Variants in CSMD1 observed in about 807,000 individuals in gnomAD.
CSMD1 encodes CUB and sushi domain-containing protein 1.
Under a neutral mutation model 417.5 loss-of-function variants are expected in CSMD1, and 213 were observed. The ratio of observed to expected loss-of-function variants is 0.51; its 90% CI spans 0.46 to 0.57. The LOEUF is 0.57. Among genes scored for constraint, CSMD1 ranks in the 20% least tolerant of loss-of-function variants. The probability of loss-of-function intolerance (pLI) is 0.00; values close to 1 mark genes in which losing one functional copy is unlikely to be tolerated. For synonymous variants in CSMD1, 2,862 were observed against 1,736.8 expected (o/e 1.65, Z -16.11); for missense variants, 6,923 against 4,529.7 (o/e 1.53, Z -15.17).
intron 1 of CSMD1, among the ~76,000 whole-genome samples, chr8:4,660,296 G>T (rs994447651): frequency 1.3e-5 from 2 of 151,996 alleles, no homozygotes; most frequent in African/African-American, 2.4e-5. Context: ...AGTTAAAAAC[G>T]CAACACAATT....
intron 3 of CSMD1, among the ~76,000 whole-genome samples, chr8:4,082,901 G>C (rs968788040): frequency 1.3e-5 from 2 of 151,668 alleles, no homozygotes; most frequent in African/African-American, 4.9e-5. Flanking sequence ...TACTGACAAT[G>C]ATTATTTCCA....
chr8:3,732,547 C>T (rs553459558), intron 6 of CSMD1, among the ~76,000 whole-genome samples: 3 of 152,268 alleles, frequency 2.0e-5, no homozygotes, highest in South Asian at 2.1e-4. Context: ...TTTCTTAGTA[C>T]ATTCTACTAA....
chr8:4,433,921 A>T (rs913490665), intron 2 of CSMD1, among the ~76,000 whole-genome samples: 2 of 152,146 alleles, frequency 1.3e-5, no homozygotes, highest in Non-Finnish European at 2.9e-5. Flanking sequence ...GAACACAGCA[A>T]AAAAGGGGGA....
At chr8:4,520,220 C>T (rs1024698027) in intron 2 of CSMD1, among the ~76,000 whole-genome samples, 5 of 152,068 alleles carry the variant, frequency 3.3e-5, no homozygotes, top group Non-Finnish European at 5.9e-5. Context: ...GATTCTTGTC[C>T]TATTTCTTAT....
At chr8:4,416,482 TA>T (rs1277666464) in intron 3 of CSMD1, among the ~76,000 whole-genome samples, 1 of 152,136 alleles carries the variant, frequency 6.6e-6, no homozygotes, top group East Asian at 1.9e-4. Flanking sequence ...TTAAAATTGA[TA>T]TTTAGACTTT....
chr8:3,522,729 A>G (rs1247904159), intron 10 of CSMD1, among the ~76,000 whole-genome samples: 2 of 152,016 alleles, frequency 1.3e-5, no homozygotes, highest in African/African-American at 4.8e-5. Context: ...CTGCACCTTA[A>G]TATGTGGCAT....
chr8:4,534,919 C>A (rs867097137), intron 2 of CSMD1, among the ~76,000 whole-genome samples: 1 of 152,090 alleles, frequency 6.6e-6, no homozygotes, highest in Non-Finnish European at 1.5e-5. Flanking sequence ...CCTGCCACCA[C>A]GCCCGGCTTA....
intron 11 of CSMD1, among the ~76,000 whole-genome samples, chr8:3,480,933 G>A (rs1352274041): frequency 6.6e-6 from 1 of 151,916 alleles, no homozygotes; most frequent in Non-Finnish European, 1.5e-5. Flanking sequence ...GAGGTGAGCG[G>A]ATCACAAGGT....
At chr8:3,403,967 A>G (rs139294342) in intron 15 of CSMD1, among the ~76,000 whole-genome samples, 2 of 152,202 alleles carry the variant, frequency 1.3e-5, no homozygotes, top group Non-Finnish European at 2.9e-5. Flanking sequence ...CTATTTATCA[A>G]TATTTCACCC....
Position 4,734,630 on chromosome 8 carries a change from T to C in CSMD1, c.86-97072A>G, listed in dbSNP as rs1412467721. 3.3e-5 allele frequency among the ~76,000 whole-genome samples: 5 copies of C among 152,192 alleles called. No homozygotes were observed. In the East Asian group the frequency reaches 5.8e-4, roughly 18 times the overall value. On this transcript the variant is annotated intron_variant, in intron 1 of 69. Transcript: ENST00000635120. ...TACTGTATAACATTATATTTTTAGG[T>C]ACTGGAAATACTTTTTTTATTTTAA...
intron 1 of CSMD1, among the ~76,000 whole-genome samples, chr8:4,744,594 G>A (rs547799149): frequency 4.6e-4 from 70 of 152,084 alleles, no homozygotes; most frequent in Non-Finnish European, 8.8e-4. Context: ...TCTTTGGTTC[G>A]TGGTAGCAAA....
intron 5 of CSMD1, among the ~76,000 whole-genome samples, chr8:3,972,670 G>C (rs1043716708): frequency 1.6e-4 from 25 of 152,186 alleles, no homozygotes; most frequent in African/African-American, 5.5e-4. Context: ...AACAGATTAT[G>C]ACCAGTGTTA....
intron 50 of CSMD1, among the ~76,000 whole-genome samples, chr8:3,043,029 A>T (rs936866179): frequency 2.6e-5 from 4 of 151,564 alleles, no homozygotes; most frequent in African/African-American, 4.8e-5. Context: ...AATACTAGAT[A>T]TGACCTAGTA....
At chr8:3,603,796 G>A (rs1407503385) in intron 8 of CSMD1, among the ~76,000 whole-genome samples, 2 of 152,170 alleles carry the variant, frequency 1.3e-5, no homozygotes, top group Non-Finnish European at 2.9e-5. Flanking sequence ...TTTTTTAGTT[G>A]ATGGGAAGAA....
intron 1 of CSMD1, among the ~76,000 whole-genome samples, chr8:4,687,575 C>G (rs1011614689): frequency 9.2e-5 from 14 of 152,226 alleles, no homozygotes; most frequent in African/African-American, 3.1e-4. Context: ...ATAGGAGCAT[C>G]ACAAGAATTT....
chr8:4,413,290 T>A (rs1796748275), intron 3 of CSMD1, among the ~76,000 whole-genome samples: 1 of 152,102 alleles, frequency 6.6e-6, no homozygotes, highest in South Asian at 2.1e-4. Flanking sequence ...TGACACAGCT[T>A]CTCCTTGGGC....
At chr8:3,733,168 T>TACAC (rs75223191) in intron 6 of CSMD1, among the ~76,000 whole-genome samples, 170 of 140,476 alleles carry the variant, frequency 1.2e-3, no homozygotes, top group African/African-American at 3.2e-3. Context: ...AGGCCATAAA[T>TACAC]ACACACACAC....
intron 26 of CSMD1, among the ~76,000 whole-genome samples, chr8:3,246,894 A>G (rs1387800729): frequency 6.6e-6 from 1 of 152,232 alleles, no homozygotes; most frequent in Non-Finnish European, 1.5e-5. Flanking sequence ...TAGAGTTCCA[A>G]TTCTTTCTCT....
At chr8:4,445,645 G>C (rs191929083) in intron 2 of CSMD1, among the ~76,000 whole-genome samples, 3 of 152,200 alleles carry the variant, frequency 2.0e-5, no homozygotes, top group Admixed American at 6.5e-5. Flanking sequence ...TCCTAGGAAA[G>C]TAAGGTTATT....
Sources: allele counts gnomAD v4.1 joint callset (sites outside exome capture counted in the v4.1 genomes callset), GRCh38; gene constraint gnomAD v4.1.1; transcripts MANE v1.5; gene names NCBI Gene and HGNC (gene_info 2026-07-23, HGNC 2026-07-21).